Variants in F8 observed in about 807,000 individuals in gnomAD.
F8 encodes coagulation factor VIII.
Under a neutral mutation model 140.6 loss-of-function variants are expected in F8, and 12 were observed. The observed-to-expected ratio is 0.09, with a 90% CI of 0.05 to 0.14. The LOEUF is 0.14. Among genes scored for constraint, F8 ranks in the 10% least tolerant of loss-of-function variants. The pLI is 1.00. For synonymous variants in F8, 585 were observed against 614.6 expected, an observed-to-expected ratio of 0.95 and a Z score of 0.71; for missense variants, 1,354 against 1,720.7, an observed-to-expected ratio of 0.79 and a Z score of 3.77.
chrX:154,843,776 C>T (rs782190067), intron 25 of F8, among the ~76,000 whole-genome samples: 109 of 111,842 alleles, frequency 9.7e-4, no homozygotes, highest in Non-Finnish European at 1.6e-3. Flanking sequence ...TTTTGCTGTG[C>T]GGAAGCTCTT....
At chrX:154,879,023 A>C (rs1333478993) in intron 22 of F8, among the ~76,000 whole-genome samples, 1 of 112,238 alleles carries the variant, frequency 8.9e-6, no homozygotes, top group Non-Finnish European at 1.9e-5. Flanking sequence ...TCCTGTGTTC[A>C]TGAATTGGAA....
intron 14 of F8, among the ~76,000 whole-genome samples, chrX:154,915,461 C>G (rs1177661868): frequency 9.0e-6 from 1 of 111,689 alleles, no homozygotes. Context: ...GGATAGATAC[C>G]TTTTCATTTT....
At chrX:154,998,333 C>A (rs1557285295) in intron 2 of F8, among the ~76,000 whole-genome samples, 1 of 113,259 alleles carries the variant, frequency 8.8e-6, no homozygotes, top group Non-Finnish European at 1.9e-5. Context: ...CTCTCCTAAT[C>A]TTCCTCCCCA....
intron 6 of F8, among the ~76,000 whole-genome samples, chrX:154,981,567 A>AT (rs1265558279): frequency 9.0e-6 from 1 of 110,622 alleles, no homozygotes; most frequent in Non-Finnish European, 1.9e-5. Flanking sequence ...GGGAAGGGGC[A>AT]TGGGGCCAGC....
chrX:155,005,131 CT>C (rs2073669500), intron 1 of F8, among the ~76,000 whole-genome samples: 1 of 111,291 alleles, frequency 9.0e-6, no homozygotes, highest in African/African-American at 3.3e-5. Flanking sequence ...CACCAAGAGT[CT>C]CATTAAACTT....
Position 154,891,595 on chromosome X carries a change from T to C in F8, c.6429+4482A>G, listed in dbSNP as rs144921370. Among the ~76,000 whole-genome samples the C allele has an allele frequency of 3.0e-3, 337 of 112,672 alleles. 2 individuals are homozygous for C. The highest frequency in any genetic ancestry group is 4.5e-3 in the Non-Finnish European group (242 of 53,316). ...GAGGTCCCTTGAGTCTATATTATGATAGAAAACAAGAGAGCTAACATTGCC... is the reference window on the plus strand; with the variant it reads ...GAGGTCCCTTGAGTCTATATTATGACAGAAAACAAGAGAGCTAACATTGCC... On this transcript the variant is annotated intron_variant, in intron 22 of 25. Transcript: ENST00000360256.
chrX:154,903,433 G>A (rs991323305), intron 18 of F8, among the ~76,000 whole-genome samples: 19 of 111,869 alleles, frequency 1.7e-4, no homozygotes, highest in African/African-American at 6.2e-4. Context: ...TCCAACCTTG[G>A]CCTCCCAAAG....
chrX:154,956,332 A>T (rs782803502), intron 11 of F8, among the ~76,000 whole-genome samples: 4 of 112,358 alleles, frequency 3.6e-5, no homozygotes, highest in African/African-American at 1.3e-4. Flanking sequence ...TATGAAGATG[A>T]CAGGATTAAG....
rs1331746939 is a variant in F8 at position 154,929,911 on chromosome X, T to C, written c.3879A>G (p.Glu1293=). Residue 1293 remains glutamate, a synonymous_variant, in exon 14 of 26, where the codon GAA becomes GAG. Transcript: ENST00000360256. Reference sequence around the variant, plus strand: ...GATTTCCCAAGCCTTCCAAGTTTTCTTCCTCCCCTTTTTTTGAGAAATGAG... The same window carrying C: ...GATTTCCCAAGCCTTCCAAGTTTTCCTCCTCCCCTTTTTTTGAGAAATGAG... ...HTAHFSKKGE[E]ENLEGLGNQT... is the part of the protein sequence containing the mutation. The C allele has an allele frequency of 8.3e-7, 1 of 1,209,893 alleles. No homozygotes were observed. Among genetic ancestry groups the C allele is most frequent in the African/African-American group, 1.7e-5 (1 of 57,189 alleles).
At position 154,965,954 on chromosome X, in the gene F8, C is replaced by G; in HGVS notation, c.1443+16G>C. On this transcript the variant is annotated intron_variant, in intron 9 of 25. Coordinates refer to ENST00000360256, the MANE Select transcript of F8 (RefSeq NM_000132.4). Reference sequence around the variant, plus strand: ...TTTTTCTTCTTACCTGACCTTAAATCTTTTCTTCAACTTACCAACAGTGTG... The same window carrying G: ...TTTTTCTTCTTACCTGACCTTAAATGTTTTCTTCAACTTACCAACAGTGTG... 1 of 1,209,539 alleles carries G rather than the reference C, an allele frequency of 8.3e-7. No individual in the cohort carries two copies. The highest frequency in any genetic ancestry group is 1.1e-6 in the Non-Finnish European group (1 of 893,676).
Position 154,929,386 on chromosome X carries a change from G to A in F8, c.4404C>T (p.Thr1468=). The change falls in exon 14 of 26, where the codon ACC becomes ACT. Residue 1468 remains threonine (T), a synonymous_variant. Transcript: ENST00000360256. ...KKNNLSLAIL[T]LEMTGDQREV... is the part of the protein sequence containing the mutation. ...CTCTTTGATCACCAGTCATCTCCAA[G>A]GTTAGAATGGCTAAAGAAAGGTTAT... 8.3e-7 allele frequency: 1 copy of A among 1,211,507 alleles called. No individual in the cohort carries two copies. The highest frequency in any genetic ancestry group is 1.1e-6 in the Non-Finnish European group (1 of 895,405).
At chrX:154,986,090 AG>A (rs1365054701) in intron 5 of F8, among the ~76,000 whole-genome samples, 37 of 112,056 alleles carry the variant, frequency 3.3e-4, no homozygotes, top group Admixed American at 3.2e-3. Context: ...TTAAAGAAAA[AG>A]GAGAAGCTTA....
At chrX:154,953,153 C>T (rs1459053021) in intron 12 of F8, among the ~76,000 whole-genome samples, 2 of 111,726 alleles carry the variant, frequency 1.8e-5, no homozygotes, top group East Asian at 5.6e-4. Flanking sequence ...TAAATATATA[C>T]ACATGTGTAT....
chrX:154,874,203 A>G (rs942796734), intron 22 of F8, among the ~76,000 whole-genome samples: 1 of 113,060 alleles, frequency 8.8e-6, no homozygotes, highest in Admixed American at 9.3e-5. Flanking sequence ...AGGCCAACAG[A>G]TAAATGATGC....
chrX:154,919,908 C>G (rs1320624379), intron 14 of F8: 2 of 206,666 alleles, frequency 9.7e-6, no homozygotes, highest in African/African-American at 6.1e-5. Context: ...ACTCCTCAGC[C>G]TCATTAGGGT....
chrX:154,878,428 CAAAAAAA>C (rs57418004), intron 22 of F8, among the ~76,000 whole-genome samples: 6 of 26,738 alleles, frequency 2.2e-4, no homozygotes, highest in Non-Finnish European at 4.1e-4. Context: ...TTTTCATGAC[CAAAAAAA>C]AAAAAAAAAA....
At chrX:154,924,746 G>A (rs1185432835) in intron 14 of F8, among the ~76,000 whole-genome samples, 2 of 112,313 alleles carry the variant, frequency 1.8e-5, no homozygotes, top group Non-Finnish European at 3.8e-5. Context: ...AAATCTAGGC[G>A]GAAGTTCCCA....
chrX:154,877,504 T>C (rs1047828549), intron 22 of F8, among the ~76,000 whole-genome samples: 1 of 111,759 alleles, frequency 8.9e-6, no homozygotes, highest in African/African-American at 3.3e-5. Context: ...TCTTTTTCTT[T>C]TTTTTTGAGA....
intron 1 of F8, among the ~76,000 whole-genome samples, chrX:155,001,924 G>A (rs1222474175): frequency 9.0e-6 from 1 of 111,657 alleles, no homozygotes; most frequent in Non-Finnish European, 1.9e-5. Context: ...AAAAGAAAAC[G>A]TGTAATATGC....
Sources: allele counts gnomAD v4.1 joint callset (sites outside exome capture counted in the v4.1 genomes callset), GRCh38; gene constraint gnomAD v4.1.1; transcripts MANE v1.5; gene names NCBI Gene and HGNC (gene_info 2026-07-23, HGNC 2026-07-21).